The following GTSE1 variants were observed in gnomAD, a reference collection of about 807,000 sequenced individuals.
The protein encoded by GTSE1 is G2 and S phase-expressed protein 1.
A neutral mutation model predicts 60.5 loss-of-function variants in GTSE1; 52 were observed. The observed-to-expected ratio is 0.86, with a 90% confidence interval of 0.69 to 1.08. The LOEUF is 1.08. Ranked by LOEUF, GTSE1 falls within the 50% of genes least tolerant of loss-of-function variation. GTSE1 has a pLI of 0.00. For synonymous variants in GTSE1, 368 were observed against 386.5 expected (o/e 0.95, Z 0.56); for missense variants, 937 against 961.8 (o/e 0.97, Z 0.34).
At position 46,313,420 on chromosome 22, in the gene GTSE1, C is replaced by G. The variant is rs1297845728; in HGVS notation, c.928-470C>G. On this transcript the variant is annotated intron_variant, in intron 5 of 11. Transcript: ENST00000454366. The surrounding 1 kb of genome is among the most constrained non-coding windows in gnomAD (Gnocchi z 4.4). ...CTCATGCAGGGGTTTGAAGACTACA[C>G]TTTGAGAAGTGCTGCTTGACTTTTT... 1.3e-5 allele frequency among the ~76,000 whole-genome samples: 2 copies of G among 152,136 alleles called. No homozygotes were observed. The highest frequency in any genetic ancestry group is 2.9e-5 in the Non-Finnish European group (2 of 68,034).
At chr22:46,323,503 C>T (rs562000654) in intron 8 of GTSE1, among the ~76,000 whole-genome samples, 2 of 152,308 alleles carry the variant, frequency 1.3e-5, no homozygotes, top group South Asian at 4.1e-4. Context: ...GTGTGGTTGC[C>T]ATGCCAGGCT....
rs2077664117 is a variant in GTSE1 at position 46,297,480 on chromosome 22, G to C, written c.79+1G>C. The C allele has an allele frequency of 6.2e-7, 1 of 1,600,644 alleles. No homozygotes were observed. Among genetic ancestry groups the C allele is most frequent in the Admixed American group, 1.7e-5 (1 of 59,834 alleles). On this transcript the variant is annotated splice_donor_variant, in intron 2 of 11. Coordinates refer to ENST00000454366, the MANE Select transcript of GTSE1 (RefSeq NM_016426.7). LOFTEE classifies it high-confidence loss of function. This position sits in a 1 kb window ranked among gnomAD's most constrained non-coding sequence, Gnocchi z 4.9. ...AACATGGATGACCCTAAGAAGGAAG[G>C]CAAGTCCTTGCTGCTGCGGCGCTGT...
chr22:46,298,226 G>T (rs148498823), intron 2 of GTSE1, among the ~76,000 whole-genome samples: 4,252 of 151,864 alleles, frequency 0.028, 198 homozygotes, highest in African/African-American at 0.098. Context: ...GCCTCCCAAA[G>T]TGCTAGGATT....
At position 46,324,523 on chromosome 22, in the gene GTSE1, A is replaced by G. The variant is rs2077832984; in HGVS notation, c.1505+1261A>G. ...GCTGGGACTACAGGCGCCCGCCACC[A>G]CGCCCGGCTAAGTTTTTGTATTTTT... On this transcript the variant is annotated intron_variant, in intron 8 of 11. Transcript: ENST00000454366. This position sits in a 1 kb window ranked among gnomAD's most constrained non-coding sequence, Gnocchi z 5.2. 6.6e-6 allele frequency among the ~76,000 whole-genome samples: 1 copy of G among 151,912 alleles called. No individual in the cohort carries two copies. The highest frequency in any genetic ancestry group is 1.5e-5 in the Non-Finnish European group (1 of 67,974).
chr22:46,328,359 G>T (rs2077855744), intron 9 of GTSE1, among the ~76,000 whole-genome samples: 1 of 152,230 alleles, frequency 6.6e-6, no homozygotes, highest in African/African-American at 2.4e-5. Context: ...GCTGGCCGTG[G>T]CTCAAGGAGG....
chr22:46,315,305 C>T (rs963170797), intron 6 of GTSE1, among the ~76,000 whole-genome samples: 2 of 152,174 alleles, frequency 1.3e-5, no homozygotes, highest in Non-Finnish European at 2.9e-5. Flanking sequence ...GATCCGCCCG[C>T]CTTGGCCTCC....
At chr22:46,327,725 C>A (rs938742363) in intron 9 of GTSE1, among the ~76,000 whole-genome samples, 1 of 152,164 alleles carries the variant, frequency 6.6e-6, no homozygotes, top group Non-Finnish European at 1.5e-5. Flanking sequence ...TATTTATACA[C>A]AAATTACACA....
At chr22:46,302,921 T>C (rs2077697293) in intron 2 of GTSE1, among the ~76,000 whole-genome samples, 1 of 147,042 alleles carries the variant, frequency 6.8e-6, no homozygotes, top group African/African-American at 2.5e-5. Flanking sequence ...TTTCTTTGAG[T>C]TGGAGTCTTG....
chr22:46,326,719 A>G, intron 9 of GTSE1, 65 bp downstream of exon 9: 1 of 1,158,372 alleles, frequency 8.6e-7, no homozygotes, highest in Non-Finnish European at 1.2e-6. Flanking sequence ...AGACAGTGAC[A>G]TACCTTTTTC....
In GTSE1 at chr22:46,304,872, G is replaced by A. The variant is rs971620116; in HGVS notation, c.80-3278G>A. ...TGCGTGCCTGTAGTCCCAGCTACTC[G>A]GGAAGCCGAGACAGGAGGATCCCTC... is the stretch of plus-strand genomic sequence containing the variant. On this transcript the variant is annotated intron_variant, in intron 2 of 11. Coordinates refer to ENST00000454366, the MANE Select transcript of GTSE1 (RefSeq NM_016426.7). The surrounding 1 kb of genome is among the most constrained non-coding windows in gnomAD (Gnocchi z 4.4). Among the ~76,000 whole-genome samples, 1 of 152,190 alleles carries A rather than the reference G, an allele frequency of 6.6e-6. No homozygotes were observed. The highest frequency in any genetic ancestry group is 6.5e-5 in the Admixed American group (1 of 15,276).
intron 8 of GTSE1, among the ~76,000 whole-genome samples, chr22:46,325,221 G>T (rs2077836759): frequency 6.6e-6 from 1 of 152,096 alleles, no homozygotes; most frequent in Non-Finnish European, 1.5e-5. Context: ...TTTTGAGATG[G>T]AGACTCGCTC....
Position 46,308,131 on chromosome 22 carries a change from G to T in GTSE1, c.80-19G>T. 6.4e-7 allele frequency: 1 copy of T among 1,568,952 alleles called. No individual in the cohort carries two copies. The highest frequency in any genetic ancestry group is 8.8e-7 in the Non-Finnish European group (1 of 1,139,386). The stretch of plus-strand genomic sequence containing the variant: ...TATCAGCTGTGGCACTAAAATAACA[G>T]TGGATTTTTTCCCTCTAGACATTCT... On this transcript the variant is annotated intron_variant, in intron 2 of 11. Transcript: ENST00000454366.
chr22:46,319,576 G>A lies in GTSE1; in HGVS notation c.1432+3164G>A, dbSNP rs1026596144. Among the ~76,000 whole-genome samples, 1 of 151,932 alleles carries A rather than the reference G, an allele frequency of 6.6e-6. No homozygotes were observed. Among genetic ancestry groups the A allele is most frequent in the African/African-American group, 2.4e-5 (1 of 41,190 alleles). On this transcript the variant is annotated intron_variant, in intron 7 of 11. Transcript: ENST00000454366. The surrounding 1 kb of genome is among the most constrained non-coding windows in gnomAD (Gnocchi z 5.0). ...ACGGCCCCATTTTGGAAGTAGTGAG[G>A]GTGAGAGGCCACTTAGGCTGCAGCT...
Position 46,318,147 on chromosome 22 carries a change from T to C in GTSE1, c.1432+1735T>C, listed in dbSNP as rs2077791853. Among the ~76,000 whole-genome samples the C allele has an allele frequency of 6.6e-6, 1 of 152,098 alleles. No homozygotes were observed. Among genetic ancestry groups the C allele is most frequent in the South Asian group, 2.1e-4 (1 of 4,820 alleles). ...CAGCAGGTGTCTGGCCATTAGTGGG[T>C]GGGTGTTTGTAAAGTTTTCATGAAT... On this transcript the variant is annotated intron_variant, in intron 7 of 11. Coordinates refer to ENST00000454366, the MANE Select transcript of GTSE1 (RefSeq NM_016426.7). The surrounding 1 kb of genome is among the most constrained non-coding windows in gnomAD (Gnocchi z 4.8).
At position 46,312,267 on chromosome 22, in the gene GTSE1, T is replaced by A; in HGVS notation, c.889T>A (p.Leu297Met). ...AVNVPAAGSH[L>M]GQGKRAIPVP... ...CAATGTGCCGGCCGCCGGAAGCCAC[T>A]TGGGCCAGGGCAAGCGGGCGATCCC... The change falls in exon 5 of 12, where the codon TTG (leucine) becomes ATG (methionine). Residue 297 changes from leucine to methionine, a missense_variant. By Grantham distance (15) the Leu-to-Met change is conservative (BLOSUM62 2). Transcript: ENST00000454366. The A allele has an allele frequency of 6.2e-7, 1 of 1,614,030 alleles. No individual in the cohort carries two copies. The highest frequency in any genetic ancestry group is 2.2e-5 in the East Asian group (1 of 44,870).
At position 46,304,091 on chromosome 22, in the gene GTSE1, G is replaced by A. The variant is rs1320401628; in HGVS notation, c.80-4059G>A. The stretch of plus-strand genomic sequence containing the variant: ...GGCTTGATCATAGCTCACTGCAGCC[G>A]CAAGCTCCTGGGCTCAGCATCCTGA... On this transcript the variant is annotated intron_variant, in intron 2 of 11. Transcript: ENST00000454366. This position sits in a 1 kb window ranked among gnomAD's most constrained non-coding sequence, Gnocchi z 4.4. Among the ~76,000 whole-genome samples, 1 of 152,110 alleles carries A rather than the reference G, an allele frequency of 6.6e-6. No homozygotes were observed. Among genetic ancestry groups the A allele is most frequent in the Non-Finnish European group, 1.5e-5 (1 of 68,022 alleles).
In GTSE1 at chr22:46,314,845, C is replaced by A. The variant is rs1462392831; in HGVS notation, c.1051+832C>A. ...GAGCCGAGATTGCATCACTGCACTC[C>A]GTCTCAAAAAAAAAAAAAAAAATGA... On this transcript the variant is annotated intron_variant, in intron 6 of 11. Coordinates refer to ENST00000454366, the MANE Select transcript of GTSE1 (RefSeq NM_016426.7). This position sits in a 1 kb window ranked among gnomAD's most constrained non-coding sequence, Gnocchi z 7.1. Among the ~76,000 whole-genome samples the A allele has an allele frequency of 7.0e-6, 1 of 142,192 alleles. No individual in the cohort carries two copies. Among genetic ancestry groups the A allele is most frequent in the African/African-American group, 2.8e-5 (1 of 35,406 alleles). 93.3% of individuals were successfully genotyped at this position (142,192 alleles called of 152,430 possible).
Position 46,326,447 on chromosome 22 carries a change from A to G in GTSE1, c.1517A>G (p.His506Arg). The change falls in exon 9 of 12, where the codon CAC (histidine) becomes CGC (arginine). Residue 506 changes from histidine to arginine, a missense_variant. Transcript: ENST00000454366. The part of the protein sequence containing the change: ...SCTSVGRVTV[H>R]STPVRRSSGP... ...GTTGTGTTTGCCAGGGTCACTGTCC[A>G]CAGCACCCCGGTTAGACGCTCATCT... 1 of 1,605,476 alleles carries G rather than the reference A, an allele frequency of 6.2e-7. No homozygotes were observed. Among genetic ancestry groups the G allele is most frequent in the Non-Finnish European group, 8.5e-7 (1 of 1,173,330 alleles).
chr22:46,311,099 CAG>C (rs759624653), intron 4 of GTSE1, among the ~76,000 whole-genome samples: 153 of 151,432 alleles, frequency 1.0e-3, no homozygotes, highest in African/African-American at 3.5e-3. Flanking sequence ...GTTTCTGAGA[CAG>C]AGTTTTGCTC....
Sources: allele counts gnomAD v4.1 joint callset (sites outside exome capture counted in the v4.1 genomes callset), GRCh38; gene constraint gnomAD v4.1.1; non-coding constraint Gnocchi (gnomAD v3.1); transcripts MANE v1.5; gene names NCBI Gene and HGNC (gene_info 2026-07-23, HGNC 2026-07-21).